The following ZNF701 variants were observed in gnomAD, a reference collection of about 807,000 sequenced individuals.
ZNF701 encodes zinc finger protein 701.
In ZNF701, 6 loss-of-function variants were observed where a neutral mutation model predicts 7.1. The ratio of observed to expected loss-of-function variants is 0.84; its 90% CI spans 0.46 to 1.66. The LOEUF is 1.66. ZNF701 is among the 40% of genes most tolerant of loss of function. The probability of loss-of-function intolerance (pLI) is 0.01; values close to 1 mark genes in which losing one functional copy is unlikely to be tolerated. For synonymous variants in ZNF701, 166 were observed against 188.2 expected, an observed-to-expected ratio of 0.88 and a Z score of 0.97; for missense variants, 541 against 559.2, an observed-to-expected ratio of 0.97 and a Z score of 0.33.
the ZNF701 span, chr19:52,596,482 G>C: frequency 2.3e-6 from 1 of 440,856 alleles, no homozygotes; most frequent in Non-Finnish European, 4.6e-6. Flanking sequence ...AGGCTTTCTG[G>C]GATAATTCAT....
At position 52,573,064 on chromosome 19, in the gene ZNF701, G is replaced by C. The variant is rs550940611; in HGVS notation, c.-71-1013G>C. The C allele has an allele frequency of 2.0e-5, 4 of 202,894 alleles. 1 individual carries two copies. The South Asian group carries it at 3.0e-4, about 15-fold the overall frequency. The allele number at this position is 202,894 out of a possible 1,614,324, so 12.6% of individuals were successfully genotyped here. On this transcript the variant is annotated intron_variant, in intron 1 of 3. Coordinates refer to ENST00000391785, the MANE Select transcript of ZNF701 (RefSeq NM_018260.3). ...TATTATCTCTGTGTCAGTCACATCAGAAACACACTTTTTTTCTTTTTCCAA... is the reference window on the plus strand; with the variant it reads ...TATTATCTCTGTGTCAGTCACATCACAAACACACTTTTTTTCTTTTTCCAA...
intron 3 of ZNF701, among the ~76,000 whole-genome samples, chr19:52,577,491 A>AGTTATCAATC (rs1475773181): frequency 2.0e-5 from 1 of 51,018 alleles, no homozygotes; most frequent in African/African-American, 1.7e-4. Flanking sequence ...GATCATGGAC[A>AGTTATCAATC]ATTATCAATC....
At chr19:52,595,905 T>G in the ZNF701 span, 1 of 1,613,178 alleles carries the variant, frequency 6.2e-7, no homozygotes, top group Non-Finnish European at 8.5e-7. Flanking sequence ...GGATCAAGCT[T>G]TCATTCGCAT....
chr19:52,572,164 C>G (rs979842554), intron 1 of ZNF701: 3 of 316,802 alleles, frequency 9.5e-6, no homozygotes, highest in African/African-American at 4.5e-5. Context: ...AGCGATTGTC[C>G]TGCCTCGGCC....
intron 1 of ZNF701, among the ~76,000 whole-genome samples, chr19:52,571,505 C>G (rs995913895): frequency 6.6e-6 from 1 of 152,046 alleles, no homozygotes; most frequent in South Asian, 2.1e-4. Flanking sequence ...TTAAATAAGA[C>G]GTGAGGATGG....
intron 3 of ZNF701, among the ~76,000 whole-genome samples, chr19:52,576,424 C>T (rs545445873): frequency 5.9e-5 from 9 of 152,108 alleles, no homozygotes; most frequent in Middle Eastern, 3.4e-3. Flanking sequence ...GCCTGTAATC[C>T]CAGCTCCTAG....
chr19:52,572,373 C>T (rs1271639265), intron 1 of ZNF701: 1 of 1,288,906 alleles, frequency 7.8e-7, no homozygotes, highest in Non-Finnish European at 1.0e-6. Flanking sequence ...TTGAAGGTAA[C>T]TAGCTGTGTC....
At chr19:52,572,784 T>C (rs975746663) in intron 1 of ZNF701, 5 of 397,856 alleles carry the variant, frequency 1.3e-5, no homozygotes, top group Non-Finnish European at 2.4e-5. Flanking sequence ...CCCCTGCCAC[T>C]GTCCAGGCTC....
At chr19:52,578,095 A>G (rs1159587465) in intron 3 of ZNF701, among the ~76,000 whole-genome samples, 1 of 151,726 alleles carries the variant, frequency 6.6e-6, no homozygotes, top group Admixed American at 6.6e-5. Context: ...TCTACTAAAA[A>G]TACAACAAAT....
the ZNF701 span, chr19:52,594,002 C>G: frequency 6.3e-5 from 8 of 126,798 alleles, 2 homozygotes; most frequent in Non-Finnish European, 1.3e-4. Flanking sequence ...GCCGAGATCA[C>G]GCCACTGCAC....
downstream of ZNF701, among the ~76,000 whole-genome samples, chr19:52,587,723 C>T (rs1293980698): frequency 6.6e-6 from 1 of 152,194 alleles, no homozygotes; most frequent in African/African-American, 2.4e-5. Flanking sequence ...GAGTGGAGCT[C>T]AACCCTGACT....
intron 3 of ZNF701, 40 bp from the exon 4 acceptor site, chr19:52,582,162 C>G (rs549620614): frequency 2.0e-6 from 3 of 1,496,318 alleles, no homozygotes; most frequent in Non-Finnish European, 2.7e-6. Flanking sequence ...GTATAACTTC[C>G]GTACTTAATT....
intron 3 of ZNF701, among the ~76,000 whole-genome samples, chr19:52,577,796 C>A (rs2059945213): frequency 6.6e-6 from 1 of 152,056 alleles, no homozygotes; most frequent in South Asian, 2.1e-4. Flanking sequence ...AGTATCCAGG[C>A]CTGCCCGCAG....
chr19:52,593,358 G>A, the ZNF701 span, among the ~76,000 whole-genome samples: 11 of 115,992 alleles, frequency 9.5e-5, 4 homozygotes, highest in East Asian at 1.4e-3. Context: ...AGGCGCGGCC[G>A]GGCAGAGGCG....
chr19:52,592,343 A>G, the ZNF701 span: 2 of 1,120,798 alleles, frequency 1.8e-6, no homozygotes, highest in South Asian at 1.5e-5. Context: ...TGTACATGTC[A>G]TTGTTTTCTA....
chr19:52,574,570 G>A (rs1167329500), intron 2 of ZNF701, among the ~76,000 whole-genome samples: 2 of 152,136 alleles, frequency 1.3e-5, no homozygotes, highest in African/African-American at 4.8e-5. Context: ...TCTAGAAAAG[G>A]AGACCAATAA....
intron 3 of ZNF701, among the ~76,000 whole-genome samples, chr19:52,577,114 T>C (rs1048297011): frequency 2.6e-5 from 4 of 152,218 alleles, no homozygotes; most frequent in African/African-American, 9.7e-5. Context: ...CTTTTTCTTA[T>C]TTTATGAAAG....
chr19:52,580,554 G>A (rs1203304393), intron 3 of ZNF701, among the ~76,000 whole-genome samples: 2 of 152,100 alleles, frequency 1.3e-5, no homozygotes, highest in Non-Finnish European at 2.9e-5. Flanking sequence ...TTATAGTGCT[G>A]TGTATAGTTT....
chr19:52,574,032 GGT>G (rs1359916368), intron 1 of ZNF701, 43 bp from the exon 2 acceptor site: 34 of 1,579,332 alleles, frequency 2.2e-5, no homozygotes, highest in Non-Finnish European at 2.9e-5. Flanking sequence ...ACAGGCAGGA[GGT>G]GTGTTGATTC....
Sources: gnomAD v4.1 joint callset for allele counts (sites outside exome capture counted in the v4.1 genomes callset) on GRCh38, gnomAD v4.1.1 for gene constraint, MANE v1.5 for transcripts, NCBI Gene and HGNC (gene_info 2026-07-23, HGNC 2026-07-21) for gene names.